Variants in GPSM1 observed in about 807,000 individuals in gnomAD.
GPSM1 encodes G protein signaling modulator 1.
GPSM1 carries 48 observed loss-of-function variants against 70.5 expected under a neutral mutation model. That is an observed-to-expected ratio of 0.68 (90% CI 0.54 to 0.87). The LOEUF (loss-of-function observed/expected upper bound fraction) is 0.87. GPSM1 is among the 40% of genes least tolerant of loss of function. GPSM1 has a pLI of 0.00. For missense variants in GPSM1, 981 were observed against 972.6 expected (o/e 1.01, Z -0.11); for synonymous variants, 416 against 430.1 (o/e 0.97, Z 0.41).
intron 10 of GPSM1, 47 bp downstream of exon 10, chr9:136,348,814 C>T: frequency 6.9e-7 from 1 of 1,455,202 alleles, no homozygotes; most frequent in Non-Finnish European, 9.6e-7. Context: ...GCTGCCAGAG[C>T]ATGGGCAGCG....
chr9:136,353,029 T>C lies in GPSM1; in HGVS notation c.1456-2661T>C, dbSNP rs1362819437. The C allele has an allele frequency of 3.5e-5, 32 of 924,892 alleles. No individual in the cohort carries two copies. In the African/African-American group the frequency reaches 5.5e-4, roughly 16 times the overall value. 57.3% of individuals were successfully genotyped at this position (924,892 alleles called of 1,614,324 possible). A position where few individuals can be genotyped will look rare whatever the true frequency, so the allele number is the denominator to read the frequency against. ...TATTTAAGCCTCAGGCATCCCAGCA[T>C]TGAGGCAGCACTTGGCACTTTGGGC... On this transcript the variant is annotated intron_variant, in intron 11 of 13. Transcript: ENST00000440944.
At chr9:136,331,369 C>G (rs1236381953) in intron 1 of GPSM1, among the ~76,000 whole-genome samples, 2 of 151,146 alleles carry the variant, frequency 1.3e-5, no homozygotes, top group African/African-American at 4.8e-5. Flanking sequence ...TCTGAGCCCC[C>G]CCCCCCCGCT....
At position 136,344,922 on chromosome 9, in the gene GPSM1, C is replaced by G. The variant is rs371820206; in HGVS notation, c.1208-3775C>G. Reference sequence around the variant, plus strand: ...AAGGCCTAGGCCAGCCCTTACCAACCCCATGGTCCTTGCATGGAGAGGGGA... The same window carrying G: ...AAGGCCTAGGCCAGCCCTTACCAACGCCATGGTCCTTGCATGGAGAGGGGA... On this transcript the variant is annotated intron_variant, in intron 9 of 13. Transcript: ENST00000440944. Among the ~76,000 whole-genome samples the G allele has an allele frequency of 4.6e-5, 7 of 152,196 alleles. No homozygotes were observed. In the East Asian group the frequency reaches 1.2e-3, roughly 25 times the overall value.
In GPSM1 at chr9:136,342,688, G is replaced by T. The variant is rs1282245923; in HGVS notation, c.1207+1695G>T. On this transcript the variant is annotated intron_variant, in intron 9 of 13. Coordinates refer to ENST00000440944, the MANE Select transcript of GPSM1 (RefSeq NM_001145638.3). The surrounding 1 kb of genome is among the most constrained non-coding windows in gnomAD (Gnocchi z 5.5). ...TCTGGACCCGGCGTTGCGGGTTGGGGGCGCCACGGAAGGACCCACGCAGCC... is the reference window on the plus strand; with the variant it reads ...TCTGGACCCGGCGTTGCGGGTTGGGTGCGCCACGGAAGGACCCACGCAGCC... Among the ~76,000 whole-genome samples the T allele has an allele frequency of 2.0e-5, 3 of 152,210 alleles. No individual in the cohort carries two copies. Among genetic ancestry groups the T allele is most frequent in the Non-Finnish European group, 4.4e-5 (3 of 68,022 alleles).
chr9:136,348,861 C>A, intron 10 of GPSM1, 94 bp downstream of exon 10: 1 of 914,952 alleles, frequency 1.1e-6, no homozygotes, highest in Non-Finnish European at 1.7e-6. Flanking sequence ...CCCACCTCAG[C>A]CCCTGTCTGC....
Position 136,341,889 on chromosome 9 carries a change from G to A in GPSM1, c.1207+896G>A, listed in dbSNP as rs1479647490. 1.7e-6 allele frequency: 1 copy of A among 579,464 alleles called. No homozygotes were observed. The highest frequency in any genetic ancestry group is 2.2e-6 in the Non-Finnish European group (1 of 458,802). 35.9% of individuals were successfully genotyped at this position (579,464 alleles called of 1,614,324 possible). ...CAGTGTCAAACTCCCAGCCTCAAGC[G>A]ATCCTCCCATCTCGGCTTCCAGAAG... On this transcript the variant is annotated intron_variant, in intron 9 of 13. Transcript: ENST00000440944. This position sits in a 1 kb window ranked among gnomAD's most constrained non-coding sequence, Gnocchi z 6.7.
chr9:136,337,389 G>T (rs1832268084), intron 4 of GPSM1, 52 bp from the exon 5 acceptor site: 1 of 1,553,444 alleles, frequency 6.4e-7, no homozygotes. Flanking sequence ...AGCCTGGGGT[G>T]GGTGAGGACA....
chr9:136,341,519 G>T lies in GPSM1; in HGVS notation c.1207+526G>T. 1 of 1,171,266 alleles carries T rather than the reference G, an allele frequency of 8.5e-7. No individual in the cohort carries two copies. Among genetic ancestry groups the T allele is most frequent in the Non-Finnish European group, 1.1e-6 (1 of 944,824 alleles). The allele number at this position is 1,171,266 out of a possible 1,614,324, so 72.6% of individuals were successfully genotyped here. A position where few individuals can be genotyped will look rare whatever the true frequency, so the allele number is the denominator to read the frequency against. On this transcript the variant is annotated intron_variant, in intron 9 of 13. Coordinates refer to ENST00000440944, the MANE Select transcript of GPSM1 (RefSeq NM_001145638.3). The surrounding 1 kb of genome is among the most constrained non-coding windows in gnomAD (Gnocchi z 6.7). Reference sequence around the variant, plus strand: ...GCCGGTCAGCAGTGCTGCAGACACAGGACAGAACGTCCCCTGCAAAGCGAA... The same window carrying T: ...GCCGGTCAGCAGTGCTGCAGACACATGACAGAACGTCCCCTGCAAAGCGAA...
intron 2 of GPSM1, among the ~76,000 whole-genome samples, 200 bp downstream of exon 2, chr9:136,334,868 T>C (rs1782088905): frequency 6.6e-6 from 1 of 151,994 alleles, no homozygotes. Flanking sequence ...GGGGCGGCCC[T>C]GCTGGCGGGT....
At chr9:136,350,029 TG>T (rs1485010029) in intron 11 of GPSM1, among the ~76,000 whole-genome samples, 1 of 152,194 alleles carries the variant, frequency 6.6e-6, no homozygotes, top group Admixed American at 6.5e-5. Context: ...TGGGCTCTTC[TG>T]CATGGAACGC....
intron 7 of GPSM1, among the ~76,000 whole-genome samples, chr9:136,338,947 C>T (rs1832320332): frequency 6.6e-6 from 1 of 152,180 alleles, no homozygotes; most frequent in South Asian, 2.1e-4. Context: ...CACCCTGTTG[C>T]CCCCACCACC....
rs1588710379 is a variant in GPSM1 at position 136,356,017 on chromosome 9, G to A, written c.1612+171G>A. 3.9e-5 allele frequency among the ~76,000 whole-genome samples: 6 copies of A among 152,246 alleles called. No individual in the cohort carries two copies. The South Asian group carries it at 1.2e-3, about 32-fold the overall frequency. ...CAGCCCCCACAGAGCAGCATCCCGG[G>A]AAGCGTGTCATCAGCCCGCCCTCCG... On this transcript the variant is annotated intron_variant, in intron 12 of 13. Coordinates refer to ENST00000440944, the MANE Select transcript of GPSM1 (RefSeq NM_001145638.3).
chr9:136,351,994 C>T (rs1832675926), intron 11 of GPSM1, among the ~76,000 whole-genome samples: 1 of 152,094 alleles, frequency 6.6e-6, no homozygotes, highest in African/African-American at 2.4e-5. Flanking sequence ...CTGGGGTCCT[C>T]AGGGAAGGGC....
intron 9 of GPSM1, among the ~76,000 whole-genome samples, chr9:136,345,537 C>T (rs956035588): frequency 2.6e-5 from 4 of 152,248 alleles, no homozygotes; most frequent in African/African-American, 7.2e-5. Flanking sequence ...ATTTCAGCCG[C>T]TGCTGCAGCC....
In GPSM1 at chr9:136,339,785, C is replaced by T. The variant is rs997255811; in HGVS notation, c.1053C>T (p.Phe351=). The T allele has an allele frequency of 3.1e-5, 48 of 1,549,090 alleles. No homozygotes were observed. The highest frequency in any genetic ancestry group is 3.3e-4 in the Middle Eastern group (2 of 5,976). ...SMGRPAQALT[F]AKKHLQISQE... is the part of the protein sequence containing the mutation. Reference sequence around the variant, plus strand: ...GGCGCCCAGCGCAGGCCCTGACCTTCGCCAAGAAGCACCTGCAGATCTCCC... The same window carrying T: ...GGCGCCCAGCGCAGGCCCTGACCTTTGCCAAGAAGCACCTGCAGATCTCCC... Residue 351 remains phenylalanine (F), a synonymous_variant, in exon 8 of 14, where the codon TTC becomes TTT. Coordinates refer to ENST00000440944, the MANE Select transcript of GPSM1 (RefSeq NM_001145638.3).
At chr9:136,332,896 A>G (rs1832136428) in intron 1 of GPSM1, among the ~76,000 whole-genome samples, 1 of 151,298 alleles carries the variant, frequency 6.6e-6, no homozygotes, top group South Asian at 2.1e-4. Context: ...GAAGTCCCAG[A>G]TACTTGGGAG....
chr9:136,339,055 G>A (rs1024273814), intron 7 of GPSM1, among the ~76,000 whole-genome samples: 2 of 152,202 alleles, frequency 1.3e-5, no homozygotes, highest in Admixed American at 1.3e-4. Flanking sequence ...GTGGGTGGTG[G>A]CCGGAACAAG....
rs937416179 is a variant in GPSM1, at chr9:136,350,171, G to T, written c.1455+408G>T. 9.6e-4 allele frequency among the ~76,000 whole-genome samples: 146 copies of T among 152,302 alleles called. 1 individual carries two copies. Among genetic ancestry groups the T allele is most frequent in the Non-Finnish European group, 1.6e-4 (11 of 68,012 alleles). On this transcript the variant is annotated intron_variant, in intron 11 of 13. Coordinates refer to ENST00000440944, the MANE Select transcript of GPSM1 (RefSeq NM_001145638.3). Reference sequence around the variant, plus strand: ...TTGTTGGGACCCTCCAGACCCATCCGCTAGTCACAGGAGCGTGTCCCTGAA... The same window carrying T: ...TTGTTGGGACCCTCCAGACCCATCCTCTAGTCACAGGAGCGTGTCCCTGAA...
rs944477973 is a variant in GPSM1, at chr9:136,340,568, C to T, written c.1084-302C>T. Among the ~76,000 whole-genome samples, 5 of 152,140 alleles carry T rather than the reference C, an allele frequency of 3.3e-5. No homozygotes were observed. The highest frequency in any genetic ancestry group is 1.9e-4 in the East Asian group (1 of 5,160). ...AGGGGCTGAGAGAGGTGCAGCCGGGCGGGGCCGGGCCCCTCGCGCACCGGA... is the reference window on the plus strand; with the variant it reads ...AGGGGCTGAGAGAGGTGCAGCCGGGTGGGGCCGGGCCCCTCGCGCACCGGA... On this transcript the variant is annotated intron_variant, in intron 8 of 13. Transcript: ENST00000440944. The surrounding 1 kb of genome is among the most constrained non-coding windows in gnomAD (Gnocchi z 7.3).
Sources: allele counts gnomAD v4.1 joint callset (sites outside exome capture counted in the v4.1 genomes callset), GRCh38; gene constraint gnomAD v4.1.1; non-coding constraint Gnocchi (gnomAD v3.1); transcripts MANE v1.5; gene names NCBI Gene and HGNC (gene_info 2026-07-23, HGNC 2026-07-21).